The following ADORA1 variants were observed in gnomAD, a reference collection of about 807,000 sequenced individuals.
ADORA1 encodes adenosine receptor A1.
A neutral mutation model predicts 19.9 loss-of-function variants in ADORA1; 6 were observed. The ratio of observed to expected loss-of-function variants is 0.30; its 90% CI spans 0.17 to 0.59. ADORA1 has a LOEUF of 0.59. ADORA1 is among the 20% of genes least tolerant of loss of function. The probability of loss-of-function intolerance (pLI) is 0.87; values close to 1 mark genes in which losing one functional copy is unlikely to be tolerated. For synonymous variants in ADORA1, 194 were observed against 188.4 expected (o/e 1.03, Z -0.24); for missense variants, 302 against 439.2 (o/e 0.69, Z 2.79).
intron 3 of ADORA1, among the ~76,000 whole-genome samples, chr1:203,157,885 C>T (rs1655246127): frequency 1.3e-5 from 2 of 152,184 alleles, no homozygotes; most frequent in South Asian, 2.1e-4. Context: ...CAGCAAATGC[C>T]GAGGTCCTGC....
intron 3 of ADORA1, among the ~76,000 whole-genome samples, chr1:203,131,220 G>A (rs564210299): frequency 6.6e-6 from 1 of 152,210 alleles, no homozygotes; most frequent in South Asian, 2.1e-4. Flanking sequence ...TGCCACTCAC[G>A]CTCTTAGGTG....
At chr1:203,153,865 T>C (rs531583329) in intron 3 of ADORA1, among the ~76,000 whole-genome samples, 7 of 152,294 alleles carry the variant, frequency 4.6e-5, no homozygotes, top group African/African-American at 1.7e-4. Context: ...ACTTTCCTGC[T>C]CTTGAGATCC....
At chr1:203,161,119 C>T (rs1011759936) in intron 3 of ADORA1, among the ~76,000 whole-genome samples, 1 of 152,188 alleles carries the variant, frequency 6.6e-6, no homozygotes, top group Non-Finnish European at 1.5e-5. Context: ...GTTCAGCCAC[C>T]GGCTCTTGCC....
chr1:203,160,659 T>G (rs12138603), intron 3 of ADORA1, among the ~76,000 whole-genome samples: 43,512 of 151,858 alleles, frequency 0.29, 7,694 homozygotes, highest in Non-Finnish European at 0.4. Context: ...ACAAAAACAC[T>G]TAAAAATAGC....
chr1:203,132,268 T>G (rs1298631464), intron 3 of ADORA1, among the ~76,000 whole-genome samples: 1 of 152,108 alleles, frequency 6.6e-6, no homozygotes, highest in African/African-American at 2.4e-5. Context: ...CCTTAACCCC[T>G]CACCCAGAGC....
chr1:203,151,317 G>A (rs983633855), intron 3 of ADORA1, among the ~76,000 whole-genome samples: 1 of 152,088 alleles, frequency 6.6e-6, no homozygotes, highest in East Asian at 1.9e-4. Context: ...GGCTGAGCAG[G>A]TTCCCAAACC....
chr1:203,161,826 C>T (rs541501283), intron 3 of ADORA1, among the ~76,000 whole-genome samples: 15 of 152,192 alleles, frequency 9.9e-5, no homozygotes, highest in East Asian at 3.9e-4. Context: ...CCACCCGCCT[C>T]GGCCTGCCAA....
chr1:203,128,342 C>G lies in ADORA1; in HGVS notation c.-148C>G. The G allele has an allele frequency of 7.8e-7, 1 of 1,289,548 alleles. No individual in the cohort carries two copies. The highest frequency in any genetic ancestry group is 1.0e-6 in the Non-Finnish European group (1 of 988,906). 79.9% of individuals were successfully genotyped at this position (1,289,548 alleles called of 1,614,324 possible). A position where few individuals can be genotyped will look rare whatever the true frequency, so the allele number is the denominator to read the frequency against. On this transcript the variant is annotated 5_prime_UTR_variant, in exon 2 of 4. Coordinates refer to ENST00000337894, the MANE Select transcript of ADORA1 (RefSeq NM_000674.3). This position sits in a 1 kb window ranked among gnomAD's most constrained non-coding sequence, Gnocchi z 5.9. Reference sequence around the variant, plus strand: ...GAGCTGCCGCGCGTTGTCCAGAGCCCAGCCCAGCCCTACCGCGCGCGGCCC... The same window carrying G: ...GAGCTGCCGCGCGTTGTCCAGAGCCGAGCCCAGCCCTACCGCGCGCGGCCC...
intron 3 of ADORA1, among the ~76,000 whole-genome samples, chr1:203,154,381 T>C (rs1655129124): frequency 6.6e-6 from 1 of 152,072 alleles, no homozygotes; most frequent in South Asian, 2.1e-4. Context: ...CAAAAATCAT[T>C]TTAGGTGTTT....
At chr1:203,141,339 C>T (rs535954428) in intron 3 of ADORA1, among the ~76,000 whole-genome samples, 1 of 152,204 alleles carries the variant, frequency 6.6e-6, no homozygotes, top group Admixed American at 6.5e-5. Context: ...TCAGCTCTCA[C>T]CATGCACCCT....
At chr1:203,149,718 A>AG (rs1420460823) in intron 3 of ADORA1, among the ~76,000 whole-genome samples, 4 of 152,128 alleles carry the variant, frequency 2.6e-5, no homozygotes, top group African/African-American at 4.8e-5. Context: ...GCTGCCTGCC[A>AG]GGGGGGATGT....
chr1:203,165,253 T>TC lies in ADORA1; in HGVS notation c.342-3dup, dbSNP rs1415752258. 1 of 1,591,768 alleles carries TC rather than the reference T, an allele frequency of 6.3e-7. No homozygotes were observed. Among genetic ancestry groups the TC allele is most frequent in the Non-Finnish European group, 8.6e-7 (1 of 1,168,808 alleles). ...CAGATCCTCACACTCTGCCCTCCTC[T>TC]CCCCCAGGTACAAGATGGTGGTGAC... On this transcript the variant is annotated splice_polypyrimidine_tract_variant and splice_region_variant and intron_variant, in intron 3 of 3. Transcript: ENST00000337894. This position sits in a 1 kb window ranked among gnomAD's most constrained non-coding sequence, Gnocchi z 5.9.
chr1:203,154,702 A>T (rs1655140332), intron 3 of ADORA1, among the ~76,000 whole-genome samples: 1 of 152,136 alleles, frequency 6.6e-6, no homozygotes, highest in Non-Finnish European at 1.5e-5. Flanking sequence ...AGTATTTCCC[A>T]TGGACCTGGA....
At chr1:203,156,333 G>C (rs1420297833) in intron 3 of ADORA1, among the ~76,000 whole-genome samples, 1 of 152,182 alleles carries the variant, frequency 6.6e-6, no homozygotes, top group Non-Finnish European at 1.5e-5. Flanking sequence ...TTTTTCAGGA[G>C]AGTCAGGAAT....
At chr1:203,159,364 C>G (rs1042183505) in intron 3 of ADORA1, among the ~76,000 whole-genome samples, 5 of 152,246 alleles carry the variant, frequency 3.3e-5, no homozygotes, top group Non-Finnish European at 7.3e-5. Context: ...CTGCAGCCCT[C>G]TCAGCCCTAG....
In ADORA1 at chr1:203,144,081, TACACACACACAC is replaced by T. The variant is rs10525873; in HGVS notation, c.341+14929_341+14940del. 8.1e-4 allele frequency among the ~76,000 whole-genome samples: 113 copies of T among 139,854 alleles called. 1 individual carries two copies. The highest frequency in any genetic ancestry group is 2.4e-3 in the African/African-American group (88 of 36,266). 91.7% of individuals were successfully genotyped at this position (139,854 alleles called of 152,430 possible). ...GGGATTTAACATCAAGACTACCTCT[TACACACACACAC>T]ACACACACACACACACACACACACA... On this transcript the variant is annotated intron_variant, in intron 3 of 3. Transcript: ENST00000337894.
At chr1:203,149,372 A>G (rs1654961340) in intron 3 of ADORA1, among the ~76,000 whole-genome samples, 1 of 152,224 alleles carries the variant, frequency 6.6e-6, no homozygotes, top group Non-Finnish European at 1.5e-5. Flanking sequence ...AATTGAGTTT[A>G]TTGATCAACC....
At chr1:203,143,856 C>G (rs952171345) in intron 3 of ADORA1, among the ~76,000 whole-genome samples, 1 of 152,190 alleles carries the variant, frequency 6.6e-6, no homozygotes, top group African/African-American at 2.4e-5. Flanking sequence ...AGTGTGGAGA[C>G]AGACACGTTT....
At position 203,128,666 on chromosome 1, in the gene ADORA1, G is replaced by C. The variant is rs924814523; in HGVS notation, c.-57-119G>C. The C allele has an allele frequency of 1.0e-5, 13 of 1,244,198 alleles. No homozygotes were observed. Among genetic ancestry groups the C allele is most frequent in the Middle Eastern group, 5.7e-4 (2 of 3,530 alleles). 77.1% of individuals were successfully genotyped at this position (1,244,198 alleles called of 1,614,324 possible). On this transcript the variant is annotated intron_variant, in intron 2 of 3. Coordinates refer to ENST00000337894, the MANE Select transcript of ADORA1 (RefSeq NM_000674.3). The surrounding 1 kb of genome is among the most constrained non-coding windows in gnomAD (Gnocchi z 5.9). ...AGGGTCCGGGTGCCCCTCCAGCCTG[G>C]GTAGGAGCTGCATGTGACAAGTGGG... is the stretch of plus-strand genomic sequence containing the variant.
Sources: allele counts gnomAD v4.1 joint callset (sites outside exome capture counted in the v4.1 genomes callset), GRCh38; gene constraint gnomAD v4.1.1; non-coding constraint Gnocchi (gnomAD v3.1); transcripts MANE v1.5; gene names NCBI Gene and HGNC (gene_info 2026-07-23, HGNC 2026-07-21).